SECISBP2: variants seen among roughly 807,000 people sequenced by gnomAD.
SECISBP2 encodes selenocysteine insertion sequence-binding protein 2.
A neutral mutation model predicts 98.2 loss-of-function variants in SECISBP2; 96 were observed. The observed-to-expected ratio is 0.98, with a 90% CI of 0.83 to 1.16. The LOEUF (loss-of-function observed/expected upper bound fraction) is 1.16. SECISBP2 is among the 50% of genes most tolerant of loss of function. The pLI is 0.00. For synonymous variants in SECISBP2, 407 were observed against 370.2 expected (o/e 1.10, Z -1.14); for missense variants, 1,046 against 1,022.9 (o/e 1.02, Z -0.31).
rs1477854736 is a variant in SECISBP2, at chr9:89,319,798, G to A, written c.182+1G>A. ...TTGTTCAGGAACCACCAGTGACAGA[G>A]TATGTATCTTTCTAAAAGTCTTACC... On this transcript the variant is annotated splice_donor_variant, in intron 2 of 16. Coordinates refer to ENST00000375807, the MANE Select transcript of SECISBP2 (RefSeq NM_024077.5). LOFTEE classifies it high-confidence loss of function. 3.1e-6 allele frequency: 5 copies of A among 1,613,644 alleles called. No individual in the cohort carries two copies. The highest frequency in any genetic ancestry group is 1.3e-5 in the African/African-American group (1 of 74,728).
At chr9:89,351,003 C>A (rs147757704) in intron 14 of SECISBP2, 151 bp downstream of exon 14, 29 of 721,890 alleles carry the variant, frequency 4.0e-5, no homozygotes, top group Non-Finnish European at 6.6e-5. Context: ...AACTGTTTCC[C>A]AACTGCATTG....
downstream of SECISBP2, chr9:89,362,310 G>C (rs1189899033): frequency 5.6e-6 from 9 of 1,608,332 alleles, no homozygotes; most frequent in East Asian, 1.8e-4. Flanking sequence ...TCACAGTTGT[G>C]GGGGACCAGG....
chr9:89,318,546 C>T lies in SECISBP2; in HGVS notation c.-31C>T, dbSNP rs1038454367. 7.3e-6 allele frequency: 11 copies of T among 1,511,280 alleles called. No individual in the cohort carries two copies. In the African/African-American group the frequency reaches 1.4e-4, roughly 20 times the overall value. The allele number at this position is 1,511,280 out of a possible 1,614,324, so 93.6% of individuals were successfully genotyped here. ...CAAGCCGACGGCCCGCTGCTGGCCT[C>T]CGTGACGCGGCCTCCTCCGCGCCTC... On this transcript the variant is annotated 5_prime_UTR_variant, in exon 1 of 17. Transcript: ENST00000375807.
At chr9:89,360,250 T>G (rs1387076073), downstream of SECISBP2, among the ~76,000 whole-genome samples, 1 of 152,174 alleles carries the variant, frequency 6.6e-6, no homozygotes, top group Non-Finnish European at 1.5e-5. Context: ...TTCAGGGCAG[T>G]CAGCGGGGCC....
In SECISBP2 at chr9:89,341,453, A is replaced by G; in HGVS notation, c.1409A>G (p.Gln470Arg). The change falls in exon 10 of 17, where the codon CAG (glutamine) becomes CGG (arginine). Residue 470 changes from glutamine to arginine, a missense_variant. Transcript: ENST00000375807. ...EKKQHSQHAKQSSKPVVVSVG... is the reference protein window; with the variant it reads ...EKKQHSQHAKRSSKPVVVSVG... ...AAGCAGCACTCTCAGCATGCAAAGC[A>G]GTCCTCCAAACCAGTGGTAGTCTCA... The G allele has an allele frequency of 6.2e-7, 1 of 1,614,196 alleles. No homozygotes were observed. The highest frequency in any genetic ancestry group is 8.5e-7 in the Non-Finnish European group (1 of 1,180,032).
chr9:89,348,313 C>T (rs1457162208), intron 12 of SECISBP2, 99 bp downstream of exon 12: 1 of 1,394,830 alleles, frequency 7.2e-7, no homozygotes, highest in African/African-American at 1.4e-5. Context: ...TGGCTGACTC[C>T]TCTTCCTTTT....
chr9:89,351,212 C>T (rs1831234523), intron 14 of SECISBP2, among the ~76,000 whole-genome samples: 1 of 152,152 alleles, frequency 6.6e-6, no homozygotes. Flanking sequence ...GCAGTACCTA[C>T]CTAGGGCTTT....
At chr9:89,319,017 G>A (rs1348521274) in intron 1 of SECISBP2, 20 of 1,037,430 alleles carry the variant, frequency 1.9e-5, no homozygotes, top group Non-Finnish European at 2.2e-5. Flanking sequence ...ACTAGATGGA[G>A]CCCTGGCGAT....
intron 4 of SECISBP2, among the ~76,000 whole-genome samples, chr9:89,327,556 AT>A (rs1000295951): frequency 4.0e-5 from 6 of 151,554 alleles, no homozygotes; most frequent in Admixed American, 2.0e-4. Context: ...TTTTCTATTA[AT>A]TTTTTTTTAA....
At chr9:89,361,033 AC>A (rs1252661547), downstream of SECISBP2, 5 of 152,210 alleles carry the variant, frequency 3.3e-5, no homozygotes, top group African/African-American at 1.2e-4. Flanking sequence ...TTGAAGCCAC[AC>A]CCAAAGCAAG....
chr9:89,327,180 AT>A (rs1216348677), intron 4 of SECISBP2, among the ~76,000 whole-genome samples: 6 of 151,650 alleles, frequency 4.0e-5, no homozygotes, highest in Non-Finnish European at 8.8e-5. Flanking sequence ...AAAAAAAAAG[AT>A]ATAAAATGTT....
chr9:89,349,950 C>T, intron 13 of SECISBP2, 21 bp downstream of exon 13: 1 of 1,613,872 alleles, frequency 6.2e-7, no homozygotes, highest in African/African-American at 1.3e-5. Context: ...CCCTGCCTGC[C>T]AGGGACTAGG....
chr9:89,332,417 A>T (rs150307733), intron 5 of SECISBP2, among the ~76,000 whole-genome samples: 1 of 152,338 alleles, frequency 6.6e-6, no homozygotes, highest in Non-Finnish European at 1.5e-5. Flanking sequence ...TGTCTACCAT[A>T]GTAGTATGGT....
chr9:89,321,771 G>A (rs572086604), intron 2 of SECISBP2, among the ~76,000 whole-genome samples: 42 of 152,332 alleles, frequency 2.8e-4, no homozygotes, highest in African/African-American at 9.6e-4. Context: ...AAGGCATTAA[G>A]TTGAAGAGGA....
intron 15 of SECISBP2, 97 bp downstream of exon 15, chr9:89,357,662 C>T: frequency 6.9e-7 from 1 of 1,457,400 alleles, no homozygotes; most frequent in East Asian, 2.3e-5. Flanking sequence ...AGCCCCAGAA[C>T]CTCCAGTAGG....
At chr9:89,363,552 G>A (rs376985075), downstream of SECISBP2, 4 of 1,613,300 alleles carry the variant, frequency 2.5e-6, no homozygotes, top group African/African-American at 4.0e-5. Flanking sequence ...GGGTCCCCAG[G>A]TCAAAGCTCT....
At chr9:89,324,663 A>T (rs761056228) in intron 2 of SECISBP2, 1 of 152,550 alleles carries the variant, frequency 6.6e-6, no homozygotes, top group Non-Finnish European at 1.5e-5. Flanking sequence ...GTACTAGTAC[A>T]TTTTGGAATA....
At position 89,332,946 on chromosome 9, in the gene SECISBP2, A is replaced by G; in HGVS notation, c.840A>G (p.Val280=). The change falls in exon 6 of 17, where the codon GTA becomes GTG. Residue 280 remains valine, a synonymous_variant. Transcript: ENST00000375807. ...TGAAAAATAACCCAAATGAATCTGT[A>G]ACTGCTAATGCCGCTACCAATTCTC... The part of the protein sequence containing the change: ...IVVKNNPNES[V]TANAATNSPS... 6.2e-7 allele frequency: 1 copy of G among 1,613,992 alleles called. No individual in the cohort carries two copies. Among genetic ancestry groups the G allele is most frequent in the Non-Finnish European group, 8.5e-7 (1 of 1,179,938 alleles).
chr9:89,336,223 A>T (rs1036768452), intron 7 of SECISBP2, among the ~76,000 whole-genome samples: 4 of 149,960 alleles, frequency 2.7e-5, no homozygotes, highest in Non-Finnish European at 5.9e-5. Flanking sequence ...TTTTATAGAG[A>T]CAGGGTTTTG....
Sources: allele counts gnomAD v4.1 joint callset (sites outside exome capture counted in the v4.1 genomes callset), GRCh38; gene constraint gnomAD v4.1.1; transcripts MANE v1.5; gene names NCBI Gene and HGNC (gene_info 2026-07-23, HGNC 2026-07-21).